Variants in MYRFL observed in about 807,000 individuals in gnomAD.
The protein encoded by MYRFL is myelin regulatory factor like.
A neutral mutation model predicts 109.4 loss-of-function variants in MYRFL; 88 were observed. The ratio of observed to expected loss-of-function variants is 0.80; its 90% confidence interval spans 0.68 to 0.96. MYRFL has a LOEUF of 0.96. MYRFL is among the 40% of genes least tolerant of loss of function. The pLI is 0.00. For synonymous variants in MYRFL, 324 were observed against 320.9 expected, an observed-to-expected ratio of 1.01 and a Z score of -0.10; for missense variants, 957 against 954.9, an observed-to-expected ratio of 1.00 and a Z score of -0.03.
chr12:69,890,324 G>C (rs1247439419), intron 6 of MYRFL, among the ~76,000 whole-genome samples: 1 of 152,120 alleles, frequency 6.6e-6, no homozygotes, highest in Non-Finnish European at 1.5e-5. Context: ...GTAATGTGTT[G>C]ACTTCTCAAC....
chr12:69,902,047 C>A (rs1039887677), intron 10 of MYRFL, among the ~76,000 whole-genome samples: 1 of 152,072 alleles, frequency 6.6e-6, no homozygotes, highest in Non-Finnish European at 1.5e-5. Flanking sequence ...GAACATGCCA[C>A]CACACATGGC....
chr12:69,906,577 C>T (rs548618711), intron 11 of MYRFL, among the ~76,000 whole-genome samples: 14 of 151,962 alleles, frequency 9.2e-5, no homozygotes, highest in Admixed American at 2.0e-4. Flanking sequence ...AAAAGGGAAT[C>T]GTTAAGATGA....
At chr12:69,871,970 C>T (rs1034403336) in intron 2 of MYRFL, among the ~76,000 whole-genome samples, 5 of 151,328 alleles carry the variant, frequency 3.3e-5, no homozygotes, top group African/African-American at 4.8e-5. Flanking sequence ...GTTCTATCAT[C>T]GATGAAAGAG....
intron 2 of MYRFL, among the ~76,000 whole-genome samples, chr12:69,860,464 A>C (rs2136324347): frequency 6.6e-6 from 1 of 152,226 alleles, no homozygotes; most frequent in South Asian, 2.1e-4. Flanking sequence ...ACCTATATAT[A>C]TCAAATTAGT....
At chr12:69,867,269 G>A (rs1444525866) in intron 2 of MYRFL, among the ~76,000 whole-genome samples, 1 of 152,192 alleles carries the variant, frequency 6.6e-6, no homozygotes, top group Non-Finnish European at 1.5e-5. Context: ...CTTTGAGAGG[G>A]GGAGATTGGA....
intron 16 of MYRFL, among the ~76,000 whole-genome samples, chr12:69,934,623 G>T (rs789562): frequency 0.26 from 39,305 of 152,014 alleles, 5,387 homozygotes; most frequent in Non-Finnish European, 0.32. Context: ...TGAAAGCAGA[G>T]AATTTTATTG....
intron 2 of MYRFL, among the ~76,000 whole-genome samples, chr12:69,874,171 T>C (rs1483580865): frequency 1.3e-5 from 2 of 152,236 alleles, no homozygotes; most frequent in Non-Finnish European, 2.9e-5. Context: ...TATTTTATTT[T>C]GTTATTTTAT....
chr12:69,882,781 A>G (rs1886210293), intron 5 of MYRFL, among the ~76,000 whole-genome samples: 1 of 152,138 alleles, frequency 6.6e-6, no homozygotes, highest in Admixed American at 6.5e-5. Flanking sequence ...GAAGGCTTCA[A>G]TCTTCTCTTA....
chr12:69,881,689 A>G (rs1009326337), intron 5 of MYRFL, among the ~76,000 whole-genome samples: 3 of 152,194 alleles, frequency 2.0e-5, no homozygotes, highest in African/African-American at 7.2e-5. Flanking sequence ...CCTCATATCA[A>G]CTAAACCTCA....
intron 2 of MYRFL, among the ~76,000 whole-genome samples, chr12:69,870,305 T>C (rs1490843618): frequency 6.7e-6 from 1 of 149,658 alleles, no homozygotes; most frequent in Non-Finnish European, 1.5e-5. Context: ...CTTAAACTCC[T>C]GACCTCAGGT....
chr12:69,947,383 A>G (rs964566500), intron 19 of MYRFL, among the ~76,000 whole-genome samples: 3 of 152,104 alleles, frequency 2.0e-5, no homozygotes, highest in Non-Finnish European at 2.9e-5. Context: ...TTTTGGGCCA[A>G]AGTTGATCAT....
At chr12:69,848,143 T>C (rs1883668262) in intron 1 of MYRFL, among the ~76,000 whole-genome samples, 1 of 152,152 alleles carries the variant, frequency 6.6e-6, no homozygotes, top group South Asian at 2.1e-4. Flanking sequence ...TGTTTGGGTT[T>C]ATTTCTGGAC....
intron 1 of MYRFL, among the ~76,000 whole-genome samples, chr12:69,834,170 G>T (rs140880545): frequency 1.5e-3 from 229 of 152,162 alleles, no homozygotes; most frequent in African/African-American, 5.1e-3. Flanking sequence ...TGTAATTTTG[G>T]GTAATCTGAC....
intron 19 of MYRFL, among the ~76,000 whole-genome samples, chr12:69,940,683 C>T (rs1385928444): frequency 6.6e-6 from 1 of 151,506 alleles, no homozygotes; most frequent in Non-Finnish European, 1.5e-5. Flanking sequence ...ATACATAACA[C>T]TATTAACTTT....
intron 1 of MYRFL, among the ~76,000 whole-genome samples, chr12:69,832,974 G>A (rs947101824): frequency 1.3e-5 from 2 of 150,312 alleles, no homozygotes; most frequent in Admixed American, 6.6e-5. Context: ...GTGTGTGTGT[G>A]TGTGTGTGTG....
chr12:69,914,720 G>A (rs1047710792), intron 13 of MYRFL, among the ~76,000 whole-genome samples: 2 of 152,146 alleles, frequency 1.3e-5, no homozygotes, highest in African/African-American at 4.8e-5. Context: ...GGTCTGGAGA[G>A]GTAGGGGGTA....
intron 2 of MYRFL, among the ~76,000 whole-genome samples, chr12:69,872,779 G>C (rs1327275991): frequency 6.6e-6 from 1 of 152,000 alleles, no homozygotes; most frequent in Non-Finnish European, 1.5e-5. Context: ...GATTACGGGT[G>C]TGAGCCACCA....
In MYRFL at chr12:69,855,319, AC is replaced by A. The variant is rs754206776; in HGVS notation, c.87del (p.Asp29GlufsTer47). ...GGTACTCTGGAGAACCCAGCCCTGG[AC>A]ACAAGTCTGTTGGAGGAATTTCTGG... ...ANGTLENPAL[D>X]TSLLEEFLGN... On this transcript the variant is annotated frameshift_variant, in exon 2 of 25. Coordinates refer to ENST00000552032, the MANE Select transcript of MYRFL (RefSeq NM_182530.3). LOFTEE classifies it high-confidence loss of function. The A allele has an allele frequency of 1.4e-6, 1 of 702,766 alleles. No homozygotes were observed. The highest frequency in any genetic ancestry group is 1.5e-5 in the South Asian group (1 of 67,582). 43.5% of individuals were successfully genotyped at this position (702,766 alleles called of 1,614,324 possible).
Position 69,863,232 on chromosome 12 carries a change from C to A in MYRFL, c.137+7862C>A, listed in dbSNP as rs558402934. ...TTCTCTTTTTTGGTTGTGTCTCTGCCCGGCGTTGGTATCAGGATGATGCTG... is the reference window on the plus strand; with the variant it reads ...TTCTCTTTTTTGGTTGTGTCTCTGCACGGCGTTGGTATCAGGATGATGCTG... On this transcript the variant is annotated intron_variant, in intron 2 of 24. Transcript: ENST00000552032. Among the ~76,000 whole-genome samples, 7 of 152,142 alleles carry A rather than the reference C, an allele frequency of 4.6e-5. No individual in the cohort carries two copies. In the East Asian group the frequency reaches 1.4e-3, roughly 29 times the overall value.
Sources: gnomAD v4.1 joint callset for allele counts (sites outside exome capture counted in the v4.1 genomes callset) on GRCh38, gnomAD v4.1.1 for gene constraint, MANE v1.5 for transcripts, NCBI Gene and HGNC (gene_info 2026-07-23, HGNC 2026-07-21) for gene names.